GALNT2: variants seen among roughly 807,000 people sequenced by gnomAD.
GALNT2 encodes the protein polypeptide N-acetylgalactosaminyltransferase 2, also known as UDP-GalNAc:polypeptide N-acetylgalactosaminyltransferase 2.
In GALNT2, 31 loss-of-function variants were observed where a neutral mutation model predicts 81.4. That is an observed-to-expected ratio of 0.38 (90% confidence interval 0.29 to 0.51). GALNT2 has a LOEUF of 0.51. GALNT2 is among the 20% of genes least tolerant of loss of function. The pLI is 0.87. For synonymous variants in GALNT2, 303 were observed against 287.4 expected (o/e 1.05, Z -0.55); for missense variants, 629 against 765.7 (o/e 0.82, Z 2.11).
chr1:230,257,912 C>G lies in GALNT2; in HGVS notation c.1136+2568C>G, dbSNP rs1665763920. Among the ~76,000 whole-genome samples the G allele has an allele frequency of 6.6e-6, 1 of 152,106 alleles. No homozygotes were observed. ...GTGGGTGTGGGGATTGCTAGCTTATCTTTTGTCTAGTTTTTTTCTTGAGAC... is the reference window on the plus strand; with the variant it reads ...GTGGGTGTGGGGATTGCTAGCTTATGTTTTGTCTAGTTTTTTTCTTGAGAC... On this transcript the variant is annotated intron_variant, in intron 11 of 15. Coordinates refer to ENST00000366672, the MANE Select transcript of GALNT2 (RefSeq NM_004481.5). This position sits in a 1 kb window ranked among gnomAD's most constrained non-coding sequence, Gnocchi z 4.6.
intron 14 of GALNT2, among the ~76,000 whole-genome samples, chr1:230,266,599 C>T (rs535995817): frequency 6.6e-6 from 1 of 152,204 alleles, no homozygotes; most frequent in African/African-American, 2.4e-5. Context: ...ACCTTGACTC[C>T]TTTCTTCACT....
chr1:230,086,467 G>A (rs985073113), intron 1 of GALNT2, among the ~76,000 whole-genome samples: 1 of 152,186 alleles, frequency 6.6e-6, no homozygotes, highest in Non-Finnish European at 1.5e-5. Flanking sequence ...GCCCTTGTGC[G>A]AGAACTGTCT....
chr1:230,234,824 C>T (rs1664975444), intron 3 of GALNT2, among the ~76,000 whole-genome samples: 1 of 152,166 alleles, frequency 6.6e-6, no homozygotes, highest in South Asian at 2.1e-4. Flanking sequence ...AGGGTTCCTC[C>T]TGATGGGTTC....
At chr1:230,106,536 T>C (rs1660550452) in intron 1 of GALNT2, among the ~76,000 whole-genome samples, 1 of 152,228 alleles carries the variant, frequency 6.6e-6, no homozygotes, top group South Asian at 2.1e-4. Flanking sequence ...GTGGAGACTG[T>C]TCATTTTATT....
At chr1:230,214,694 T>C (rs966482976) in intron 3 of GALNT2, among the ~76,000 whole-genome samples, 3 of 152,242 alleles carry the variant, frequency 2.0e-5, no homozygotes, top group Non-Finnish European at 4.4e-5. Flanking sequence ...TTGAGCTTCA[T>C]GCCTTGTCAG....
chr1:230,145,196 C>G (rs914657331), intron 1 of GALNT2, among the ~76,000 whole-genome samples: 1 of 152,184 alleles, frequency 6.6e-6, no homozygotes, highest in African/African-American at 2.4e-5. Flanking sequence ...CTCCCCAACC[C>G]CATTCTCAGA....
At chr1:230,136,968 C>A (rs1273780942) in intron 1 of GALNT2, among the ~76,000 whole-genome samples, 1 of 152,214 alleles carries the variant, frequency 6.6e-6, no homozygotes, top group East Asian at 1.9e-4. Context: ...CACACAGGCC[C>A]TGCGTGGTTG....
intron 1 of GALNT2, among the ~76,000 whole-genome samples, chr1:230,079,366 C>T (rs1044801384): frequency 2.0e-5 from 3 of 152,230 alleles, no homozygotes; most frequent in East Asian, 1.9e-4. Context: ...GGAGAATGAA[C>T]AGCTGGGGAG....
chr1:230,253,096 C>T (rs1478078001), intron 10 of GALNT2, among the ~76,000 whole-genome samples: 1 of 152,124 alleles, frequency 6.6e-6, no homozygotes, highest in Non-Finnish European at 1.5e-5. Flanking sequence ...GATCCGCCTG[C>T]CTCGGCCTCC....
At position 230,279,614 on chromosome 1, in the gene GALNT2, C is replaced by A; in HGVS notation, c.*156C>A. 1 of 917,678 alleles carries A rather than the reference C, an allele frequency of 1.1e-6. No individual in the cohort carries two copies. Among genetic ancestry groups the A allele is most frequent in the African/African-American group, 1.7e-5 (1 of 60,096 alleles). The allele number at this position is 917,678 out of a possible 1,614,324, so 56.8% of individuals were successfully genotyped here. ...TCAAACTTCGGCAAGGCACGGACGA[C>A]TGTGCAGACACAGCAGCGGCAAGAA... On this transcript the variant is annotated 3_prime_UTR_variant, in exon 16 of 16. Transcript: ENST00000366672. This position sits in a 1 kb window ranked among gnomAD's most constrained non-coding sequence, Gnocchi z 4.6.
rs557827491 is a variant in GALNT2, at chr1:230,061,415, C to T, written n.89+3337C>T. Among the ~76,000 whole-genome samples the T allele has an allele frequency of 6.6e-5, 10 of 152,132 alleles. No homozygotes were observed. In the East Asian group the frequency reaches 1.7e-3, roughly 26 times the overall value. On this transcript the variant is annotated intron_variant and non_coding_transcript_variant, in intron 1 of 6. Coordinates refer to the GALNT2 transcript ENST00000494106. ...CATAAAATAATACAATTGCTATACC[C>T]ATAACACTATGAAAAAAATAAAGGG...
intron 13 of GALNT2, 137 bp from the exon 14 acceptor site, chr1:230,265,104 G>T (rs551407048): frequency 3.2e-4 from 346 of 1,085,036 alleles, no homozygotes; most frequent in Middle Eastern, 2.2e-3. Context: ...CCTGTGGTAG[G>T]AAGAGGCACG....
intron 14 of GALNT2, among the ~76,000 whole-genome samples, chr1:230,270,935 T>C (rs1039352076): frequency 7.2e-5 from 11 of 152,384 alleles, no homozygotes; most frequent in Admixed American, 5.2e-4. Flanking sequence ...TTAGTTTTTC[T>C]GGAATCCTGT....
At chr1:230,171,337 T>C (rs1250145404) in intron 1 of GALNT2, among the ~76,000 whole-genome samples, 3 of 152,250 alleles carry the variant, frequency 2.0e-5, no homozygotes, top group Admixed American at 2.0e-4. Flanking sequence ...AAATGGGCTG[T>C]GAAATATAAA....
chr1:230,164,544 T>C (rs888040808), intron 1 of GALNT2, among the ~76,000 whole-genome samples: 3 of 151,752 alleles, frequency 2.0e-5, no homozygotes, highest in African/African-American at 7.3e-5. Flanking sequence ...CTTTTTCTTT[T>C]TTTTTTTTTT....
At chr1:230,212,600 G>T (rs1298401431) in intron 3 of GALNT2, among the ~76,000 whole-genome samples, 1 of 152,062 alleles carries the variant, frequency 6.6e-6, no homozygotes, top group Admixed American at 6.6e-5. Flanking sequence ...GTGCTGGCAG[G>T]CTCAGCGAGA....
At chr1:230,276,026 CATAT>C (rs1180328515) in intron 15 of GALNT2, among the ~76,000 whole-genome samples, 2 of 60,360 alleles carry the variant, frequency 3.3e-5, no homozygotes, top group Non-Finnish European at 6.1e-5. Context: ...ATACATGCCA[CATAT>C]ATATACGTAT....
rs773214403 is a variant in GALNT2, at chr1:230,274,095, G to A, written c.1441-350G>A. Among the ~76,000 whole-genome samples, 6 of 152,332 alleles carry A rather than the reference G, an allele frequency of 3.9e-5. No individual in the cohort carries two copies. In the South Asian group the frequency reaches 6.2e-4, roughly 16 times the overall value. On this transcript the variant is annotated intron_variant, in intron 14 of 15. Transcript: ENST00000366672. ...CTACCTGGTGTATAACCAAGCTTGTGCCACAGTTTTTACAGCTCACATTGA... is the reference window on the plus strand; with the variant it reads ...CTACCTGGTGTATAACCAAGCTTGTACCACAGTTTTTACAGCTCACATTGA...
At chr1:230,073,814 G>T (rs1659446321) in intron 1 of GALNT2, among the ~76,000 whole-genome samples, 1 of 152,208 alleles carries the variant, frequency 6.6e-6, no homozygotes, top group Admixed American at 6.5e-5. Flanking sequence ...CTGGCTGCTT[G>T]CCCTGGTCAA....
Sources: gnomAD v4.1 joint callset for allele counts (sites outside exome capture counted in the v4.1 genomes callset) on GRCh38, gnomAD v4.1.1 for gene constraint, Gnocchi (gnomAD v3.1) non-coding constraint, MANE v1.5 for transcripts, NCBI Gene and HGNC (gene_info 2026-07-23, HGNC 2026-07-21) for gene names.